Variants in RHEB observed in about 807,000 individuals in gnomAD.
The protein encoded by RHEB is Ras homolog, mTORC1 binding.
In RHEB, 2 loss-of-function variants were observed where a neutral mutation model predicts 28.8. That is an observed-to-expected ratio of 0.07 (90% CI 0.03 to 0.22). RHEB has a LOEUF of 0.22. Ranked by LOEUF, RHEB falls within the 10% of genes least tolerant of loss-of-function variation. The pLI, the probability that RHEB is intolerant of heterozygous loss-of-function variation, is 1.00. For missense variants in RHEB, 76 were observed against 219.9 expected (o/e 0.35, Z 4.14); for synonymous variants, 69 against 77.3 (o/e 0.89, Z 0.56).
rs1276725457 is a variant in RHEB at position 151,466,443 on chromosome 7, TGGAA to T, written c.*672_*675del. Reference sequence around the variant, plus strand: ...CAGTCAAGGTCTAGGGATTTGAGGGTGGAAGGAGAGAATTTCATCACTGGGGAGG... The same window carrying T: ...CAGTCAAGGTCTAGGGATTTGAGGGTGGAGAGAATTTCATCACTGGGGAGG... On this transcript the variant is annotated 3_prime_UTR_variant, in exon 8 of 8. Coordinates refer to ENST00000262187, the MANE Select transcript of RHEB (RefSeq NM_005614.4). The T allele has an allele frequency of 1.3e-5, 2 of 152,322 alleles. No individual in the cohort carries two copies. Among genetic ancestry groups the T allele is most frequent in the African/African-American group, 4.8e-5 (2 of 41,434 alleles). 9.4% of individuals were successfully genotyped at this position (152,322 alleles called of 1,614,324 possible).
chr7:151,478,025 G>C (rs1802301576), intron 3 of RHEB, among the ~76,000 whole-genome samples: 2 of 152,116 alleles, frequency 1.3e-5, no homozygotes. Flanking sequence ...GACCAAGAGA[G>C]TTATTTACTG....
At chr7:151,471,088 TCACTGTAATCC>T (rs1211532306) in intron 6 of RHEB, among the ~76,000 whole-genome samples, 8 of 152,258 alleles carry the variant, frequency 5.3e-5, no homozygotes, top group African/African-American at 1.9e-4. Context: ...CCTTTGCTCC[TCACTGTAATCC>T]CAAACCCTGG....
intron 1 of RHEB, among the ~76,000 whole-genome samples, chr7:151,518,247 T>C (rs1287033825): frequency 6.6e-6 from 1 of 152,108 alleles, no homozygotes. Flanking sequence ...GGTAAAAGGA[T>C]GAGTAAGCAT....
chr7:151,503,731 C>T (rs1253032233), intron 1 of RHEB, among the ~76,000 whole-genome samples: 2 of 151,078 alleles, frequency 1.3e-5, no homozygotes, highest in African/African-American at 2.4e-5. Context: ...TACTTTTACT[C>T]GATGGTGAAA....
intron 1 of RHEB, among the ~76,000 whole-genome samples, chr7:151,495,939 C>T (rs911680293): frequency 2.0e-5 from 3 of 152,110 alleles, no homozygotes; most frequent in African/African-American, 7.2e-5. Context: ...GTCTGTCCCC[C>T]CTCCCACCGA....
At chr7:151,467,267 T>C in intron 7 of RHEB, 56 bp from the exon 8 acceptor site, 1 of 1,298,496 alleles carries the variant, frequency 7.7e-7, no homozygotes, top group Non-Finnish European at 1.1e-6. Context: ...ACTCCGAGAG[T>C]ATTTTACGGA....
intron 2 of RHEB, among the ~76,000 whole-genome samples, chr7:151,490,172 G>A (rs75982494): frequency 0.033 from 5,041 of 152,262 alleles, 268 homozygotes; most frequent in African/African-American, 0.11. Flanking sequence ...GCACAGTGTT[G>A]TATGCCTGTA....
chr7:151,496,639 G>T (rs1802677146), intron 1 of RHEB, among the ~76,000 whole-genome samples: 1 of 152,128 alleles, frequency 6.6e-6, no homozygotes, highest in South Asian at 2.1e-4. Flanking sequence ...CCATGACCTT[G>T]AATCTCCAAT....
chr7:151,516,622 C>CAA (rs551863062), intron 1 of RHEB, among the ~76,000 whole-genome samples: 923 of 91,106 alleles, frequency 0.01, no homozygotes, highest in Non-Finnish European at 0.012. Context: ...GACTCTGTCA[C>CAA]AAAAAAAAAA....
intron 1 of RHEB, among the ~76,000 whole-genome samples, chr7:151,517,614 C>G (rs1803104388): frequency 6.6e-6 from 1 of 150,694 alleles, no homozygotes. Context: ...GTCACATCTC[C>G]GTCCTCAGGA....
At chr7:151,508,072 C>T (rs1158927259) in intron 1 of RHEB, among the ~76,000 whole-genome samples, 1 of 152,094 alleles carries the variant, frequency 6.6e-6, no homozygotes, top group Non-Finnish European at 1.5e-5. Context: ...AAATGTTTAG[C>T]AACAATGAAG....
At chr7:151,470,538 G>T (rs375485427) in intron 7 of RHEB, 33 bp downstream of exon 7, 5 of 1,434,750 alleles carry the variant, frequency 3.5e-6, no homozygotes, top group Non-Finnish European at 3.9e-6. Context: ...TGATGAGAAC[G>T]CAATGCAAAA....
At chr7:151,490,267 T>A (rs1021087340) in intron 2 of RHEB, among the ~76,000 whole-genome samples, 1 of 152,158 alleles carries the variant, frequency 6.6e-6, no homozygotes, top group Non-Finnish European at 1.5e-5. Context: ...GTGAGACTCA[T>A]GTCTCTTTAA....
intron 1 of RHEB, among the ~76,000 whole-genome samples, chr7:151,514,669 A>G (rs925759750): frequency 1.3e-5 from 2 of 152,224 alleles, no homozygotes; most frequent in African/African-American, 2.4e-5. Context: ...ACTCCTAGGA[A>G]TGTACCCAAG....
intron 1 of RHEB, among the ~76,000 whole-genome samples, chr7:151,516,613 ACT>A (rs1277424651): frequency 5.9e-5 from 7 of 117,648 alleles, no homozygotes; most frequent in African/African-American, 1.0e-4. Flanking sequence ...ATAGAGTGAG[ACT>A]CTGTCACAAA....
At chr7:151,492,627 A>AG (rs1470052185) in intron 1 of RHEB, among the ~76,000 whole-genome samples, 139 of 151,896 alleles carry the variant, frequency 9.2e-4, no homozygotes, top group African/African-American at 2.5e-3. Context: ...ATAAAAAAAA[A>AG]AAAAGAAAAA....
chr7:151,467,226 A>T lies in RHEB; in HGVS notation c.463-15T>A, dbSNP rs571546215. The T allele has an allele frequency of 6.3e-7, 1 of 1,585,716 alleles. No individual in the cohort carries two copies. Among genetic ancestry groups the T allele is most frequent in the Non-Finnish European group, 8.7e-7 (1 of 1,154,260 alleles). ...TCCACAGCAGTCTGAAAAGAGAAAGAAACCCAATCACAGTGTTAGTGTGAA... is the reference window on the plus strand; with the variant it reads ...TCCACAGCAGTCTGAAAAGAGAAAGTAACCCAATCACAGTGTTAGTGTGAA... On this transcript the variant is annotated splice_polypyrimidine_tract_variant and intron_variant, in intron 7 of 7. Coordinates refer to ENST00000262187, the MANE Select transcript of RHEB (RefSeq NM_005614.4).
At chr7:151,474,034 T>C (rs1048387182) in intron 4 of RHEB, among the ~76,000 whole-genome samples, 1 of 152,216 alleles carries the variant, frequency 6.6e-6, no homozygotes, top group Admixed American at 6.5e-5. Context: ...GTAGTCATAC[T>C]GAACAGCAGT....
chr7:151,511,943 G>A (rs547746202), intron 1 of RHEB, among the ~76,000 whole-genome samples: 2 of 152,286 alleles, frequency 1.3e-5, no homozygotes, highest in South Asian at 2.1e-4. Context: ...GAGCCACTGC[G>A]CACAGCTGAT....
Sources: gnomAD v4.1 joint callset for allele counts (sites outside exome capture counted in the v4.1 genomes callset) on GRCh38, gnomAD v4.1.1 for gene constraint, MANE v1.5 for transcripts, NCBI Gene and HGNC (gene_info 2026-07-23, HGNC 2026-07-21) for gene names.